Variants in B4GALT1 observed in about 807,000 individuals in gnomAD.
The protein encoded by B4GALT1 is N-acetyllactosamine synthase.
In B4GALT1, 16 loss-of-function variants were observed where a neutral mutation model predicts 34.9. The observed-to-expected ratio is 0.46, with a 90% CI of 0.31 to 0.70. The LOEUF (loss-of-function observed/expected upper bound fraction) is 0.70, where lower values mean the gene tolerates loss of function less well. Among genes scored for constraint, B4GALT1 ranks in the 30% least tolerant of loss-of-function variants. B4GALT1 has a pLI of 0.05. For missense variants in B4GALT1, 445 were observed against 530.5 expected, an observed-to-expected ratio of 0.84 and a Z score of 1.58; for synonymous variants, 221 against 218.1, an observed-to-expected ratio of 1.01 and a Z score of -0.12.
chr9:33,133,759 G>GT (rs1461043493), intron 2 of B4GALT1, among the ~76,000 whole-genome samples: 1 of 152,148 alleles, frequency 6.6e-6, no homozygotes, highest in East Asian at 1.9e-4. Context: ...CAGTTTCCTT[G>GT]TAACAGGGCT....
At chr9:33,131,445 C>A (rs190554861) in intron 2 of B4GALT1, among the ~76,000 whole-genome samples, 2 of 152,152 alleles carry the variant, frequency 1.3e-5, no homozygotes, top group Admixed American at 1.3e-4. Flanking sequence ...CTGCTGTAAG[C>A]GGAAGGTTGT....
upstream of B4GALT1, among the ~76,000 whole-genome samples, chr9:33,168,912 G>C (rs1840811550): frequency 1.3e-5 from 2 of 152,204 alleles, no homozygotes; most frequent in Admixed American, 6.5e-5. Context: ...CTCCCTCAGA[G>C]AGTGATACTA....
At chr9:33,145,106 A>G (rs1840407303) in intron 1 of B4GALT1, among the ~76,000 whole-genome samples, 1 of 152,178 alleles carries the variant, frequency 6.6e-6, no homozygotes, top group South Asian at 2.1e-4. Flanking sequence ...CCAGTTGCTC[A>G]TCCATTCATC....
At chr9:33,107,232 G>A (rs1399909912), downstream of B4GALT1, among the ~76,000 whole-genome samples, 5 of 152,200 alleles carry the variant, frequency 3.3e-5, no homozygotes, top group Non-Finnish European at 7.4e-5. Context: ...TGCCTGCCAT[G>A]ACCGGCTCAG....
In B4GALT1 at chr9:33,113,292, A is replaced by T; in HGVS notation, c.*162T>A. 1 of 1,066,040 alleles carries T rather than the reference A, an allele frequency of 9.4e-7. No individual in the cohort carries two copies. Among genetic ancestry groups the T allele is most frequent in the Non-Finnish European group, 1.4e-6 (1 of 705,474 alleles). The allele number at this position is 1,066,040 out of a possible 1,614,324, so 66.0% of individuals were successfully genotyped here. On this transcript the variant is annotated 3_prime_UTR_variant, in exon 6 of 6. Coordinates refer to ENST00000379731, the MANE Select transcript of B4GALT1 (RefSeq NM_001497.4). ...TGCCGAGCCAAGTTGGGGGCAAAAT[A>T]TCCCACTCGTCCTGGTCATCTGGAA...
At chr9:33,135,494 A>G in intron 1 of B4GALT1, 70 bp from the exon 2 acceptor site, 6 of 1,463,510 alleles carry the variant, frequency 4.1e-6, no homozygotes, top group Non-Finnish European at 5.7e-6. Flanking sequence ...GCTGCATCAG[A>G]TGGCCAGGCT....
At chr9:33,182,673 TC>T in the B4GALT1 span, among the ~76,000 whole-genome samples, 1 of 152,178 alleles carries the variant, frequency 6.6e-6, no homozygotes, top group Non-Finnish European at 1.5e-5. Context: ...TCCAAACTTC[TC>T]CCCGCTATAT....
At chr9:33,176,248 C>G in the B4GALT1 span, among the ~76,000 whole-genome samples, 1 of 152,178 alleles carries the variant, frequency 6.6e-6, no homozygotes, top group Non-Finnish European at 1.5e-5. Context: ...CCGGTGTGCT[C>G]TTTTCATGTT....
At chr9:33,134,443 G>A (rs1036980369) in intron 2 of B4GALT1, among the ~76,000 whole-genome samples, 9 of 152,190 alleles carry the variant, frequency 5.9e-5, no homozygotes, top group African/African-American at 2.2e-4. Flanking sequence ...GGGTAATCTT[G>A]AAATATCAAA....
At chr9:33,138,627 T>C (rs567840615) in intron 1 of B4GALT1, among the ~76,000 whole-genome samples, 59 of 152,276 alleles carry the variant, frequency 3.9e-4, no homozygotes, top group African/African-American at 1.4e-3. Flanking sequence ...TGGATGTCCA[T>C]CTTTGCCCCC....
At chr9:33,131,788 A>G (rs551683376) in intron 2 of B4GALT1, among the ~76,000 whole-genome samples, 1 of 152,242 alleles carries the variant, frequency 6.6e-6, no homozygotes, top group Admixed American at 6.5e-5. Flanking sequence ...CATAAAACAG[A>G]TAACACAGGC....
the B4GALT1 span, among the ~76,000 whole-genome samples, chr9:33,174,988 AAAATATATATATATATAT>A: frequency 1.1e-4 from 1 of 9,068 alleles, no homozygotes; most frequent in African/African-American, 2.9e-4. Flanking sequence ...AAAAAAAAAA[AAAATATATATATATATAT>A]ATATATATAT....
chr9:33,158,334 G>C (rs139927945), intron 1 of B4GALT1, among the ~76,000 whole-genome samples: 4 of 152,320 alleles, frequency 2.6e-5, no homozygotes, highest in African/African-American at 9.6e-5. Context: ...ACCCTCTGCA[G>C]ACCAAGAAAT....
chr9:33,173,404 C>CA, the B4GALT1 span, among the ~76,000 whole-genome samples: 31 of 60,382 alleles, frequency 5.1e-4, no homozygotes, highest in African/African-American at 8.9e-4. Flanking sequence ...GACTCCGTCT[C>CA]AAAAAAAAAA....
the B4GALT1 span, among the ~76,000 whole-genome samples, chr9:33,184,309 G>A: frequency 1.3e-5 from 2 of 148,630 alleles, no homozygotes; most frequent in South Asian, 2.1e-4. Flanking sequence ...ATGTATGTAG[G>A]GTTCAATACA....
At chr9:33,165,663 T>G (rs984319557) in intron 1 of B4GALT1, among the ~76,000 whole-genome samples, 1 of 152,238 alleles carries the variant, frequency 6.6e-6, no homozygotes, top group Non-Finnish European at 1.5e-5. Context: ...GATGTCATCC[T>G]GCCTGCCAGG....
chr9:33,142,196 T>G (rs1840361729), intron 1 of B4GALT1, among the ~76,000 whole-genome samples: 1 of 152,200 alleles, frequency 6.6e-6, no homozygotes, highest in African/African-American at 2.4e-5. Context: ...TTGGCCAGGA[T>G]GGTCTCGATC....
rs1840006657 is a variant in B4GALT1, at chr9:33,120,537, C to T, written c.718G>A (p.Asp240Asn). 2.5e-6 allele frequency: 4 copies of T among 1,614,164 alleles called. No individual in the cohort carries two copies. Among genetic ancestry groups the T allele is most frequent in the East Asian group, 2.2e-5 (1 of 44,890 alleles). The stretch of plus-strand genomic sequence containing the variant: ...TCACTAAACACAAAGCAGGTGTAGT[C>T]ATAGTCCTTCAAGGCTTCTTGAAAG... ...VGFQEALKDY[D>N]YTCFVFSDVD... Residue 240 changes from aspartate (D) to asparagine (N), a missense_variant, in exon 3 of 6, where the codon GAC becomes AAC. By Grantham distance (23) the Asp-to-Asn change is conservative. Around this residue, in one of 3 missense-constraint regions of B4GALT1, gnomAD observed 349 missense variants for 395.5 expected, o/e 0.88. Coordinates refer to ENST00000379731, the MANE Select transcript of B4GALT1 (RefSeq NM_001497.4).
Position 33,116,052 on chromosome 9 carries a change from T to C in B4GALT1, c.898A>G (p.Ile300Val), listed in dbSNP as rs764805291. ...CAATAATTATTAGGAAATCCATTGA[T>C]GGTTAGAAACTGTTGTTTACTTAGA... ...SALSKQQFLT[I>V]NGFPNNYWGW... The change falls in exon 4 of 6, where the codon ATC becomes GTC. Residue 300 changes from isoleucine (I) to valine (V), a missense_variant. Coordinates refer to ENST00000379731, the MANE Select transcript of B4GALT1 (RefSeq NM_001497.4). 4 of 1,613,478 alleles carry C rather than the reference T, an allele frequency of 2.5e-6. No homozygotes were observed. In the Admixed American group the frequency reaches 5.0e-5, roughly 20 times the overall value.
Sources: allele counts gnomAD v4.1 joint callset (sites outside exome capture counted in the v4.1 genomes callset), GRCh38; gene constraint gnomAD v4.1.1; regional missense constraint gnomAD v4.1.1; transcripts MANE v1.5; gene names NCBI Gene and HGNC (gene_info 2026-07-23, HGNC 2026-07-21).